CA13: variants seen among roughly 807,000 people sequenced by gnomAD.
CA13 encodes carbonic anhydrase 13.
A neutral mutation model predicts 31.5 loss-of-function variants in CA13; 21 were observed. That is an observed-to-expected ratio of 0.67 (90% confidence interval 0.47 to 0.96). The LOEUF (loss-of-function observed/expected upper bound fraction) is 0.96, where lower values mean the gene tolerates loss of function less well. CA13 is among the 40% of genes least tolerant of loss of function. The pLI is 0.00. For synonymous variants in CA13, 117 were observed against 111.4 expected (o/e 1.05, Z -0.32); for missense variants, 315 against 318.9 (o/e 0.99, Z 0.09).
At position 85,250,919 on chromosome 8, in the gene CA13, GAC is replaced by G; in HGVS notation, c.221_222del (p.Thr74ArgfsTer28). On this transcript the variant is annotated frameshift_variant, in exon 2 of 7. Transcript: ENST00000321764. LOFTEE classifies it high-confidence loss of function. ...CCATTCCTTCAATGTTGACTTTGAT[GAC>G]ACAGAGAACAAATCAGGTTGGCTTT... ...SGHSFNVDFDDTENKSVLRGG... is the reference protein window; with the variant it reads ...SGHSFNVDFDXTENKSVLRGG... 1 of 1,613,580 alleles carries G rather than the reference GAC, an allele frequency of 6.2e-7. No individual in the cohort carries two copies. The highest frequency in any genetic ancestry group is 8.5e-7 in the Non-Finnish European group (1 of 1,179,904).
At chr8:85,254,264 C>A (rs1182097889) in intron 2 of CA13, among the ~76,000 whole-genome samples, 10 of 123,984 alleles carry the variant, frequency 8.1e-5, no homozygotes, top group African/African-American at 2.2e-4. Context: ...GGCAACAGAG[C>A]AAGATTCCAT....
intron 1 of CA13, among the ~76,000 whole-genome samples, chr8:85,247,716 A>C (rs939339012): frequency 3.9e-5 from 6 of 152,074 alleles, no homozygotes; most frequent in African/African-American, 1.4e-4. Flanking sequence ...GATTATAGGC[A>C]TGAGCCACCA....
chr8:85,266,337 T>C (rs1807457068), intron 3 of CA13, among the ~76,000 whole-genome samples: 1 of 152,162 alleles, frequency 6.6e-6, no homozygotes, highest in Non-Finnish European at 1.5e-5. Flanking sequence ...ACTACAGTCA[T>C]GTACTACCAT....
chr8:85,272,784 T>C (rs1807545701), intron 6 of CA13, among the ~76,000 whole-genome samples: 1 of 152,108 alleles, frequency 6.6e-6, no homozygotes, highest in Non-Finnish European at 1.5e-5. Context: ...TTCATGTTTG[T>C]TTAATTTTGT....
At chr8:85,266,928 CAACA>C (rs1807465920) in intron 4 of CA13, among the ~76,000 whole-genome samples, 1 of 152,150 alleles carries the variant, frequency 6.6e-6, no homozygotes, top group African/African-American at 2.4e-5. Context: ...ATAGCAGCAT[CAACA>C]TCAAGAATAG....
chr8:85,256,456 A>ATCT (rs1807298044), intron 2 of CA13, among the ~76,000 whole-genome samples: 1 of 152,230 alleles, frequency 6.6e-6, no homozygotes, highest in Non-Finnish European at 1.5e-5. Flanking sequence ...TTTAATTTTC[A>ATCT]TCTCTAGAAA....
intron 6 of CA13, among the ~76,000 whole-genome samples, chr8:85,276,820 T>G (rs962069720): frequency 6.6e-6 from 1 of 152,020 alleles, no homozygotes; most frequent in Non-Finnish European, 1.5e-5. Context: ...GCTACTCTGG[T>G]GGGGACTTGG....
At chr8:85,250,690 TGAAA>T (rs752174319) in intron 1 of CA13, 46 bp from the exon 2 acceptor site, 3 of 1,207,282 alleles carry the variant, frequency 2.5e-6, no homozygotes, top group Non-Finnish European at 2.4e-6. Flanking sequence ...GTATGTTTGT[TGAAA>T]GAAAGAACTT....
At position 85,283,950 on chromosome 8, in the gene CA13, G is replaced by C. The variant is rs948200882; in HGVS notation, c.*2601G>C. The C allele has an allele frequency of 1.3e-5, 2 of 152,064 alleles. No individual in the cohort carries two copies. Among genetic ancestry groups the C allele is most frequent in the Non-Finnish European group, 2.9e-5 (2 of 67,996 alleles). 9.4% of individuals were successfully genotyped at this position (152,064 alleles called of 1,614,324 possible). ...GCCTCCTTTTTAAACAAATTAAAGA[G>C]TTGTAAATACTAGTGTAGATCTCTT... On this transcript the variant is annotated 3_prime_UTR_variant, in exon 7 of 7. Transcript: ENST00000321764.
At chr8:85,246,800 A>C (rs528202298) in intron 1 of CA13, among the ~76,000 whole-genome samples, 3 of 152,318 alleles carry the variant, frequency 2.0e-5, no homozygotes, top group South Asian at 4.1e-4. Flanking sequence ...ATATTTCAAA[A>C]CATCATGTTG....
At chr8:85,247,999 G>T (rs1228264106) in intron 1 of CA13, among the ~76,000 whole-genome samples, 1 of 152,046 alleles carries the variant, frequency 6.6e-6, no homozygotes, top group Non-Finnish European at 1.5e-5. Context: ...AAGACTTGAA[G>T]CCCTGAAAGG....
At chr8:85,248,498 A>G (rs901986706) in intron 1 of CA13, among the ~76,000 whole-genome samples, 1 of 151,140 alleles carries the variant, frequency 6.6e-6, no homozygotes, top group African/African-American at 2.4e-5. Flanking sequence ...GGTGGCTTGC[A>G]CCTGTAATCC....
At chr8:85,276,209 C>A (rs1195424796) in intron 6 of CA13, among the ~76,000 whole-genome samples, 3 of 152,192 alleles carry the variant, frequency 2.0e-5, no homozygotes, top group Admixed American at 1.3e-4. Flanking sequence ...GCACCTGGGC[C>A]AGCAGCTGCT....
At position 85,256,254 on chromosome 8, in the gene CA13, A is replaced by T. The variant is rs146549101; in HGVS notation, c.236-3167A>T. ...ACTAATTTTTGTATTTTATAAATGA[A>T]ATAGTTCTTGGATTATAGTAGGCGC... On this transcript the variant is annotated intron_variant, in intron 2 of 6. Coordinates refer to ENST00000321764, the MANE Select transcript of CA13 (RefSeq NM_198584.3). 5.4e-3 allele frequency among the ~76,000 whole-genome samples: 821 copies of T among 152,304 alleles called. 7 individuals are homozygous for T. The highest frequency in any genetic ancestry group is 0.019 in the African/African-American group (771 of 41,550).
At position 85,281,560 on chromosome 8, in the gene CA13, T is replaced by G; in HGVS notation, c.*211T>G. ...TAGAGTCTCACTCTGTCACCCAGGCTGGAGGGCAGTGGTACAGTCTTGGCT... is the reference window on the plus strand; with the variant it reads ...TAGAGTCTCACTCTGTCACCCAGGCGGGAGGGCAGTGGTACAGTCTTGGCT... On this transcript the variant is annotated 3_prime_UTR_variant, in exon 7 of 7. Coordinates refer to ENST00000321764, the MANE Select transcript of CA13 (RefSeq NM_198584.3). The G allele has an allele frequency of 8.4e-7, 1 of 1,184,510 alleles. No homozygotes were observed. 73.4% of individuals were successfully genotyped at this position (1,184,510 alleles called of 1,614,324 possible).
intron 2 of CA13, among the ~76,000 whole-genome samples, chr8:85,251,521 A>T (rs1485796625): frequency 3.9e-5 from 6 of 152,362 alleles, no homozygotes; most frequent in African/African-American, 1.2e-4. Context: ...ATTTACCATT[A>T]TAAAAATATT....
chr8:85,269,494 T>TTA (rs1421092834), intron 6 of CA13, among the ~76,000 whole-genome samples: 1 of 151,872 alleles, frequency 6.6e-6, no homozygotes, highest in Non-Finnish European at 1.5e-5. Context: ...CTTACTATAA[T>TTA]TATAAGAAGA....
At chr8:85,272,844 G>A (rs574927844) in intron 6 of CA13, among the ~76,000 whole-genome samples, 1 of 152,196 alleles carries the variant, frequency 6.6e-6, no homozygotes, top group African/African-American at 2.4e-5. Flanking sequence ...TTCTGAAGGA[G>A]TCTCGCTTTG....
At position 85,261,499 on chromosome 8, in the gene CA13, T is replaced by C. The variant is rs964025290; in HGVS notation, c.354+1960T>C. Among the ~76,000 whole-genome samples, 6 of 152,160 alleles carry C rather than the reference T, an allele frequency of 3.9e-5. No individual in the cohort carries two copies. In the South Asian group the frequency reaches 1.0e-3, roughly 26 times the overall value. ...TAGAATGCGATGGTGCGATCTTGGC[T>C]TACTGCAACCTCTGCCTCCTGGGTT... On this transcript the variant is annotated intron_variant, in intron 3 of 6. Coordinates refer to ENST00000321764, the MANE Select transcript of CA13 (RefSeq NM_198584.3).
Sources: gnomAD v4.1 joint callset for allele counts (sites outside exome capture counted in the v4.1 genomes callset) on GRCh38, gnomAD v4.1.1 for gene constraint, MANE v1.5 for transcripts, NCBI Gene and HGNC (gene_info 2026-07-23, HGNC 2026-07-21) for gene names.